Variants in DAPK1 observed in about 807,000 individuals in gnomAD.
DAPK1 encodes death-associated protein kinase 1.
In DAPK1, 56 loss-of-function variants were observed where a neutral mutation model predicts 144.9. That is an observed-to-expected ratio of 0.39 (90% CI 0.31 to 0.48). DAPK1 has a LOEUF of 0.48. Among genes scored for constraint, DAPK1 ranks in the 20% least tolerant of loss-of-function variants. The pLI, the probability that DAPK1 is intolerant of heterozygous loss-of-function variation, is 0.95. For synonymous variants in DAPK1, 690 were observed against 749.0 expected (o/e 0.92, Z 1.29); for missense variants, 1,454 against 1,875.4 (o/e 0.78, Z 4.15).
chr9:87,605,113 C>T lies in DAPK1; in HGVS notation c.222C>T (p.Pro74=), dbSNP rs770099426. ...EVSILKEIQH[P]NVITLHEVYE... ...GCATCCTGAAGGAGATCCAGCACCC[C>T]AATGTCATCACCCTGCACGAGGTCT... The change falls in exon 3 of 26, where the codon CCC becomes CCT. Residue 74 remains proline (P), a synonymous_variant. Transcript: ENST00000408954. The T allele has an allele frequency of 3.7e-6, 6 of 1,614,198 alleles. No individual in the cohort carries two copies. The South Asian group carries it at 6.6e-5, about 18-fold the overall frequency.
intron 2 of DAPK1, among the ~76,000 whole-genome samples, chr9:87,551,661 A>G (rs958138651): frequency 5.3e-5 from 8 of 152,190 alleles, no homozygotes; most frequent in Non-Finnish European, 4.4e-5. Context: ...TTATGGGCCC[A>G]TGGTGGGAGT....
intron 2 of DAPK1, among the ~76,000 whole-genome samples, chr9:87,577,009 C>T (rs1302182164): frequency 6.6e-6 from 1 of 152,194 alleles, no homozygotes; most frequent in Non-Finnish European, 1.5e-5. Context: ...TGGGCATTTC[C>T]TTTCTCTGCC....
chr9:87,699,928 C>T (rs1329150146), intron 23 of DAPK1, among the ~76,000 whole-genome samples, 189 bp from the exon 24 acceptor site: 1 of 152,140 alleles, frequency 6.6e-6, no homozygotes, highest in Non-Finnish European at 1.5e-5. Flanking sequence ...TGCCAGTTTC[C>T]CCAAGTCTCT....
Position 87,706,898 on chromosome 9 carries a change from A to G in DAPK1, c.3827A>G (p.Lys1276Arg). The G allele has an allele frequency of 6.2e-7, 1 of 1,614,016 alleles. No homozygotes were observed. Among genetic ancestry groups the G allele is most frequent in the Admixed American group, 1.7e-5 (1 of 60,018 alleles). ...TSLTNTMGGY[K>R]ESFSSIMCFG... ...CTGACCAACACCATGGGGGGGTACA[A>G]GGAAAGCTTCAGCAGCATCATGTGC... The change falls in exon 26 of 26, where the codon AAG becomes AGG. Residue 1276 changes from lysine to arginine, a missense_variant. This residue lies in a region of DAPK1 where 1,025 missense variants were observed against 1,237.9 expected (regional missense o/e 0.83). Coordinates refer to ENST00000408954, the MANE Select transcript of DAPK1 (RefSeq NM_004938.4). This position sits in a 1 kb window ranked among gnomAD's most constrained non-coding sequence, Gnocchi z 9.0.
At chr9:87,544,366 G>C (rs1303488833) in intron 2 of DAPK1, among the ~76,000 whole-genome samples, 1 of 152,164 alleles carries the variant, frequency 6.6e-6, no homozygotes, top group Non-Finnish European at 1.5e-5. Context: ...AATGCTTTTT[G>C]ACAATGACAA....
intron 21 of DAPK1, among the ~76,000 whole-genome samples, chr9:87,690,085 T>G (rs1436189250): frequency 6.6e-6 from 1 of 152,216 alleles, no homozygotes; most frequent in Non-Finnish European, 1.5e-5. Context: ...ATCTGTAGAT[T>G]GCCTTGAGTA....
intron 2 of DAPK1, among the ~76,000 whole-genome samples, chr9:87,510,711 A>G (rs916059283): frequency 3.9e-5 from 6 of 152,222 alleles, no homozygotes; most frequent in African/African-American, 1.4e-4. Context: ...TCGTTGCCTT[A>G]TAAAGGTACA....
chr9:87,677,926 C>CGGG (rs1824458517), intron 19 of DAPK1, among the ~76,000 whole-genome samples: 4 of 152,180 alleles, frequency 2.6e-5, no homozygotes, highest in Non-Finnish European at 5.9e-5. Flanking sequence ...GGGGACAATT[C>CGGG]AGAGCCCCAT....
chr9:87,533,136 A>G (rs12341562), intron 2 of DAPK1, among the ~76,000 whole-genome samples: 219 of 152,358 alleles, frequency 1.4e-3, no homozygotes, highest in African/African-American at 4.4e-3. Context: ...ACACACACAC[A>G]TTGTAAATTT....
At chr9:87,577,799 G>A (rs1424253682) in intron 2 of DAPK1, among the ~76,000 whole-genome samples, 1 of 151,870 alleles carries the variant, frequency 6.6e-6, no homozygotes, top group Non-Finnish European at 1.5e-5. Flanking sequence ...TCTGTCTCAG[G>A]AAAAATAAAA....
In DAPK1 at chr9:87,682,237, C is replaced by T. The variant is rs113574561; in HGVS notation, c.2224+611C>T. On this transcript the variant is annotated intron_variant, in intron 20 of 25. Transcript: ENST00000408954. ...CACCCTCCTTGGGAACGTTTGCTGC[C>T]TTCCGGGCCTTCCACAGACAGGGTT... Among the ~76,000 whole-genome samples, 316 of 152,290 alleles carry T rather than the reference C, an allele frequency of 2.1e-3. 4 individuals are homozygous for T. Among genetic ancestry groups the T allele is most frequent in the African/African-American group, 7.1e-3 (295 of 41,558 alleles).
At chr9:87,651,888 G>A (rs1330350691) in intron 17 of DAPK1, among the ~76,000 whole-genome samples, 164 bp downstream of exon 17, 4 of 143,834 alleles carry the variant, frequency 2.8e-5, no homozygotes, top group Non-Finnish European at 6.1e-5. Flanking sequence ...CCCGGGTCCT[G>A]ATTCTGTGTC....
chr9:87,506,663 G>T (rs1487803665), intron 2 of DAPK1, among the ~76,000 whole-genome samples: 1 of 152,210 alleles, frequency 6.6e-6, no homozygotes, highest in African/African-American at 2.4e-5. Flanking sequence ...TTATGTGGAA[G>T]ATAATATTTA....
intron 2 of DAPK1, among the ~76,000 whole-genome samples, chr9:87,559,923 C>A (rs1452108259): frequency 1.3e-5 from 2 of 152,140 alleles, no homozygotes; most frequent in Non-Finnish European, 2.9e-5. Context: ...CCATCCGCTT[C>A]TTTTGTCTCC....
intron 2 of DAPK1, among the ~76,000 whole-genome samples, chr9:87,598,656 C>T (rs896627484): frequency 9.2e-5 from 14 of 152,154 alleles, no homozygotes; most frequent in African/African-American, 2.9e-4. Flanking sequence ...CTGAATGTTG[C>T]GTCTTCTCTG....
intron 2 of DAPK1, among the ~76,000 whole-genome samples, chr9:87,596,991 G>T (rs746826511): frequency 6.6e-6 from 1 of 152,114 alleles, no homozygotes; most frequent in Non-Finnish European, 1.5e-5. Context: ...GCTCACGCAC[G>T]TGCCTGGCCT....
chr9:87,526,066 G>A (rs1271238043), intron 2 of DAPK1, among the ~76,000 whole-genome samples: 1 of 151,392 alleles, frequency 6.6e-6, no homozygotes, highest in Non-Finnish European at 1.5e-5. Flanking sequence ...CTAGCACTTT[G>A]GGAGACTGAG....
chr9:87,589,055 ATTTTTTT>A (rs35875159), intron 2 of DAPK1, among the ~76,000 whole-genome samples: 7 of 101,200 alleles, frequency 6.9e-5, no homozygotes, highest in African/African-American at 1.6e-4. Flanking sequence ...CGCCCGGCTA[ATTTTTTT>A]TTTTTTTTTT....
chr9:87,680,849 G>A (rs1251726882), intron 19 of DAPK1, among the ~76,000 whole-genome samples: 1 of 152,188 alleles, frequency 6.6e-6, no homozygotes, highest in Non-Finnish European at 1.5e-5. Flanking sequence ...TGACACAAAT[G>A]TTCTGGAAGG....
Sources: gnomAD v4.1 joint callset for allele counts (sites outside exome capture counted in the v4.1 genomes callset) on GRCh38, gnomAD v4.1.1 for gene constraint, gnomAD v4.1.1 regional missense constraint, Gnocchi (gnomAD v3.1) non-coding constraint, MANE v1.5 for transcripts, NCBI Gene and HGNC (gene_info 2026-07-23, HGNC 2026-07-21) for gene names.